Variants in FNDC1 observed in about 807,000 individuals in gnomAD.
FNDC1 encodes the protein fibronectin type III domain-containing protein 1.
In FNDC1, 96 loss-of-function variants were observed where a neutral mutation model predicts 168.0. That is an observed-to-expected ratio of 0.57 (90% CI 0.48 to 0.68). The LOEUF is 0.68. FNDC1 is among the 30% of genes least tolerant of loss of function. The probability of loss-of-function intolerance (pLI) is 0.00; values close to 1 mark genes in which losing one functional copy is unlikely to be tolerated. For missense variants in FNDC1, 2,587 were observed against 2,482.1 expected, an observed-to-expected ratio of 1.04 and a Z score of -0.90; for synonymous variants, 1,099 against 1,025.9, an observed-to-expected ratio of 1.07 and a Z score of -1.36.
chr6:159,256,561 AG>A lies in FNDC1; in HGVS notation c.5106del (p.Asn1703ThrfsTer10). The A allele has an allele frequency of 6.2e-7, 1 of 1,613,998 alleles. No homozygotes were observed. Among genetic ancestry groups the A allele is most frequent in the Non-Finnish European group, 8.5e-7 (1 of 1,179,858 alleles). On this transcript the variant is annotated frameshift_variant, in exon 18 of 23. Transcript: ENST00000297267. LOFTEE classifies it high-confidence loss of function. The stretch of plus-strand genomic sequence containing the variant: ...CAGTGCATCCTATGAAGACTTCATC[AG>A]GAACAAGTGGTCCACTCAAGCTTCA... ...VYSASYEDFI[R>X]NKWSTQASSV...
intron 1 of FNDC1, among the ~76,000 whole-genome samples, chr6:159,195,038 T>C (rs1408235185): frequency 6.6e-6 from 1 of 151,992 alleles, no homozygotes; most frequent in Non-Finnish European, 1.5e-5. Context: ...TGTGGTGCGG[T>C]GGGTGGGAGG....
intron 1 of FNDC1, among the ~76,000 whole-genome samples, chr6:159,181,228 A>T (rs1362982037): frequency 6.6e-6 from 1 of 152,188 alleles, no homozygotes; most frequent in African/African-American, 2.4e-5. Context: ...TTCTCTAATG[A>T]TCAGTGATGA....
intron 4 of FNDC1, among the ~76,000 whole-genome samples, chr6:159,211,162 C>T (rs913199712): frequency 6.6e-6 from 1 of 152,178 alleles, no homozygotes; most frequent in African/African-American, 2.4e-5. Context: ...GGCCTGTGAG[C>T]ATCAGGCCTG....
At chr6:159,260,878 C>T (rs958573713) in intron 18 of FNDC1, among the ~76,000 whole-genome samples, 10 of 152,186 alleles carry the variant, frequency 6.6e-5, no homozygotes, top group East Asian at 3.8e-4. Context: ...TGAGCTCAGG[C>T]GAGTCTGCGC....
intron 18 of FNDC1, among the ~76,000 whole-genome samples, chr6:159,260,200 T>C (rs1452669240): frequency 6.6e-6 from 1 of 152,232 alleles, no homozygotes; most frequent in Admixed American, 6.5e-5. Context: ...TCTCTTCATC[T>C]GTAAGTAGCT....
At chr6:159,219,554 GACA>G (rs1469203702) in intron 5 of FNDC1, among the ~76,000 whole-genome samples, 1 of 152,190 alleles carries the variant, frequency 6.6e-6, no homozygotes, top group African/African-American at 2.4e-5. Context: ...GTGAAGTGAA[GACA>G]ACAACAGTAG....
chr6:159,216,480 G>C (rs75785311), intron 5 of FNDC1, among the ~76,000 whole-genome samples: 3 of 152,170 alleles, frequency 2.0e-5, no homozygotes, highest in Non-Finnish European at 4.4e-5. Context: ...CCTGGATAGC[G>C]GACATAGGCT....
chr6:159,171,172 T>C (rs1781649814), intron 1 of FNDC1, among the ~76,000 whole-genome samples: 1 of 152,158 alleles, frequency 6.6e-6, no homozygotes, highest in Non-Finnish European at 1.5e-5. Context: ...TTCTGCTCTG[T>C]GAATCACTGT....
chr6:159,245,742 ATTTTTTTTTT>A (rs531544658), intron 14 of FNDC1, among the ~76,000 whole-genome samples: 1 of 19,772 alleles, frequency 5.1e-5, no homozygotes, highest in Non-Finnish European at 1.0e-4. Context: ...CATTATGGTA[ATTTTTTTTTT>A]TTTTTTTTTT....
At chr6:159,171,789 A>T (rs1781667550) in intron 1 of FNDC1, among the ~76,000 whole-genome samples, 1 of 152,376 alleles carries the variant, frequency 6.6e-6, no homozygotes, top group East Asian at 1.9e-4. Flanking sequence ...GTACTCACAC[A>T]TGCACATATT....
rs1296995951 is a variant in FNDC1 at position 159,233,874 on chromosome 6, C to G, written c.3362C>G (p.Ala1121Gly). The G allele has an allele frequency of 6.5e-7, 1 of 1,547,388 alleles. No individual in the cohort carries two copies. Among genetic ancestry groups the G allele is most frequent in the Middle Eastern group, 1.7e-4 (1 of 5,972 alleles). ...GTGGAGTCTCCCACAGGCGCAGGGG[C>G]AGGTGGCGACCACAGGTCCCAGCGC... Reference protein sequence around the residue: ...QQVESPTGAGAGGDHRSQRGH... With the variant: ...QQVESPTGAGGGGDHRSQRGH... The change falls in exon 11 of 23, where the codon GCA becomes GGA. Residue 1121 changes from alanine (A) to glycine (G), a missense_variant. Transcript: ENST00000297267. The surrounding 1 kb of genome is among the most constrained non-coding windows in gnomAD (Gnocchi z 4.6).
Position 159,200,095 on chromosome 6 carries a change from T to C in FNDC1, c.391+13T>C, listed in dbSNP as rs919380253. The C allele has an allele frequency of 1.3e-6, 2 of 1,570,376 alleles. No individual in the cohort carries two copies. Among genetic ancestry groups the C allele is most frequent in the African/African-American group, 2.7e-5 (2 of 74,130 alleles). ...GAAAGCCCACCTGGTAAGTCCTATCTAGAATCAGAGGCTGTAGTGTTGTTA... is the reference window on the plus strand; with the variant it reads ...GAAAGCCCACCTGGTAAGTCCTATCCAGAATCAGAGGCTGTAGTGTTGTTA... On this transcript the variant is annotated intron_variant, in intron 3 of 22. Coordinates refer to ENST00000297267, the MANE Select transcript of FNDC1 (RefSeq NM_032532.3).
intron 10 of FNDC1, among the ~76,000 whole-genome samples, chr6:159,231,633 C>CTTCAAATAATAAGATG (rs1783084930): frequency 6.6e-6 from 1 of 152,118 alleles, no homozygotes; most frequent in Admixed American, 6.5e-5. Flanking sequence ...GTGGCATAAC[C>CTTCAAATAATAAGATG]TGGTTCAATA....
rs1052414207 is a variant in FNDC1, at chr6:159,258,535, G to A, written c.5174+1904G>A. ...GAAGTGTGTGTCCTAGGAAATAAAG[G>A]AGGCCGATTGGGAGGAAGGGTGAGG... On this transcript the variant is annotated intron_variant, in intron 18 of 22. Coordinates refer to ENST00000297267, the MANE Select transcript of FNDC1 (RefSeq NM_032532.3). Among the ~76,000 whole-genome samples, 109 of 152,294 alleles carry A rather than the reference G, an allele frequency of 7.2e-4. 2 individuals are homozygous for A. Among genetic ancestry groups the A allele is most frequent in the African/African-American group, 2.5e-3 (102 of 41,560 alleles).
intron 5 of FNDC1, among the ~76,000 whole-genome samples, chr6:159,221,125 C>T (rs1249717570): frequency 3.9e-5 from 6 of 152,186 alleles, no homozygotes; most frequent in Non-Finnish European, 7.3e-5. Context: ...GAAAGAAAGA[C>T]CTGGGCTACT....
chr6:159,263,456 G>A (rs910932292), intron 19 of FNDC1, among the ~76,000 whole-genome samples: 1 of 152,108 alleles, frequency 6.6e-6, no homozygotes, highest in Non-Finnish European at 1.5e-5. Flanking sequence ...CTAGTTCGTG[G>A]CATTTTATAA....
chr6:159,217,787 C>T (rs1439871400), intron 5 of FNDC1, among the ~76,000 whole-genome samples: 1 of 152,174 alleles, frequency 6.6e-6, no homozygotes, highest in Non-Finnish European at 1.5e-5. Context: ...GACCAGCCAC[C>T]CCTCTGTTGC....
intron 20 of FNDC1, among the ~76,000 whole-genome samples, chr6:159,265,838 T>C (rs1194879301): frequency 1.3e-5 from 2 of 152,034 alleles, no homozygotes; most frequent in Admixed American, 1.3e-4. Flanking sequence ...TGCGGCAGGA[T>C]AATCCCTTGA....
chr6:159,236,543 C>T (rs425906), intron 12 of FNDC1, among the ~76,000 whole-genome samples: 128,427 of 152,218 alleles, frequency 0.84, 54,640 homozygotes, highest in Non-Finnish European at 0.9. Flanking sequence ...CATGGGCCTT[C>T]GTTTTTCATT....
Sources: gnomAD v4.1 joint callset for allele counts (sites outside exome capture counted in the v4.1 genomes callset) on GRCh38, gnomAD v4.1.1 for gene constraint, Gnocchi (gnomAD v3.1) non-coding constraint, MANE v1.5 for transcripts, NCBI Gene and HGNC (gene_info 2026-07-23, HGNC 2026-07-21) for gene names.